Variants in MYO9A observed in about 807,000 individuals in gnomAD.
MYO9A encodes the protein unconventional myosin-IXa.
Under a neutral mutation model 293.3 loss-of-function variants are expected in MYO9A, and 103 were observed. The observed-to-expected ratio is 0.35, with a 90% CI of 0.30 to 0.41. The LOEUF is 0.41. MYO9A is among the 10% of genes least tolerant of loss of function. The probability of loss-of-function intolerance (pLI) is 1.00; values close to 1 mark genes in which losing one functional copy is unlikely to be tolerated. For missense variants in MYO9A, 2,685 were observed against 3,033.0 expected (o/e 0.89, Z 2.69); for synonymous variants, 1,001 against 1,035.7 (o/e 0.97, Z 0.64).
intron 13 of MYO9A, among the ~76,000 whole-genome samples, chr15:71,966,738 G>C (rs932929375): frequency 6.6e-6 from 1 of 152,132 alleles, no homozygotes; most frequent in Non-Finnish European, 1.5e-5. Flanking sequence ...TTAAAAAAAA[G>C]TGACTTAACT....
chr15:71,872,864 C>CT (rs1011138686), intron 32 of MYO9A, among the ~76,000 whole-genome samples: 1 of 150,538 alleles, frequency 6.6e-6, no homozygotes, highest in African/African-American at 2.4e-5. Context: ...TACTTTTTTT[C>CT]TTTTTTTGCA....
At chr15:71,938,952 AT>A in intron 15 of MYO9A, 25 bp from the exon 16 acceptor site, 4 of 1,560,882 alleles carry the variant, frequency 2.6e-6, no homozygotes, top group Middle Eastern at 3.4e-4. Context: ...AAAACAGAAA[AT>A]TTCAAATCAG....
intron 39 of MYO9A, among the ~76,000 whole-genome samples, chr15:71,845,700 A>T (rs1263652290): frequency 6.6e-6 from 1 of 152,152 alleles, no homozygotes; most frequent in Non-Finnish European, 1.5e-5. Context: ...AGTCAGTTTC[A>T]CTTCATGTCA....
rs768494962 is a variant in MYO9A, at chr15:71,975,389, T to TTGTGTGTG, written c.1844+2781_1844+2782insCACACACA. 2.2e-4 allele frequency among the ~76,000 whole-genome samples: 3 copies of TTGTGTGTG among 13,816 alleles called. 1 individual carries two copies. Among genetic ancestry groups the TTGTGTGTG allele is most frequent in the Non-Finnish European group, 2.7e-4 (1 of 3,768 alleles). The allele number at this position is 13,816 out of a possible 152,430, so 9.1% of individuals were successfully genotyped here. ...CCCTTTGGCCTATGACGTGATTTTATCGTGTGTGTGTGTGTGTGTGTGTGT... is the reference window on the plus strand; with the variant it reads ...CCCTTTGGCCTATGACGTGATTTTATTGTGTGTGCGTGTGTGTGTGTGTGTGTGTGTGT... On this transcript the variant is annotated intron_variant, in intron 12 of 41. Coordinates refer to ENST00000356056, the MANE Select transcript of MYO9A (RefSeq NM_006901.4).
At chr15:72,056,650 G>A (rs1328206496) in intron 1 of MYO9A, among the ~76,000 whole-genome samples, 1 of 152,216 alleles carries the variant, frequency 6.6e-6, no homozygotes, top group Non-Finnish European at 1.5e-5. Context: ...CTCAGGCGAT[G>A]GGTGCACCAA....
chr15:72,053,990 G>C (rs527975724), intron 1 of MYO9A, among the ~76,000 whole-genome samples: 1 of 152,266 alleles, frequency 6.6e-6, no homozygotes, highest in Admixed American at 6.5e-5. Flanking sequence ...AAATGCTCCA[G>C]TTAAAAGACA....
chr15:72,084,402 T>C (rs2079648251), intron 1 of MYO9A, among the ~76,000 whole-genome samples: 1 of 152,132 alleles, frequency 6.6e-6, no homozygotes, highest in South Asian at 2.1e-4. Context: ...GGAGATGCAC[T>C]ACACACCTTA....
At position 71,907,923 on chromosome 15, in the gene MYO9A, T is replaced by G. The variant is rs528504534; in HGVS notation, c.2686-2917A>C. 5.9e-5 allele frequency among the ~76,000 whole-genome samples: 9 copies of G among 152,364 alleles called. No individual in the cohort carries two copies. The South Asian group carries it at 1.9e-3, about 32-fold the overall frequency. On this transcript the variant is annotated intron_variant, in intron 19 of 41. Transcript: ENST00000356056. The stretch of plus-strand genomic sequence containing the variant: ...TGTTCACTCTGATGGTAGTTTCTTC[T>G]GTTGTGCAGAAGCTCTTTAGTTTAA...
Position 71,975,976 on chromosome 15 carries a change from CT to C in MYO9A, c.1844+2194del, listed in dbSNP as rs139852388. On this transcript the variant is annotated intron_variant, in intron 12 of 41. Coordinates refer to ENST00000356056, the MANE Select transcript of MYO9A (RefSeq NM_006901.4). ...CCCCACACCTCGTCCTACGCAGCTC[CT>C]CATTGTTTCGTTTTCCCTGAGTTCT... Among the ~76,000 whole-genome samples, 299 of 152,308 alleles carry C rather than the reference CT, an allele frequency of 2.0e-3. 3 individuals are homozygous for C. In the East Asian group the frequency reaches 0.027, roughly 14 times the overall value.
chr15:72,047,585 T>C (rs1596465579), intron 1 of MYO9A, among the ~76,000 whole-genome samples: 1 of 152,078 alleles, frequency 6.6e-6, no homozygotes, highest in African/African-American at 2.4e-5. Context: ...TGTCTTCTAC[T>C]GAGAAAATAT....
chr15:71,928,673 T>A (rs536032190), intron 18 of MYO9A, among the ~76,000 whole-genome samples: 1 of 152,186 alleles, frequency 6.6e-6, no homozygotes, highest in African/African-American at 2.4e-5. Context: ...TTGAATTTAC[T>A]ATAAAATAGT....
intron 19 of MYO9A, among the ~76,000 whole-genome samples, chr15:71,909,518 T>C (rs2057770073): frequency 2.0e-5 from 3 of 152,224 alleles, no homozygotes; most frequent in Admixed American, 6.5e-5. Context: ...TGGAACATCT[T>C]TTCATATGCT....
rs557707789 is a variant in MYO9A, at chr15:71,951,893, T to G, written c.2186A>C (p.His729Pro). The change falls in exon 15 of 42, where the codon CAT becomes CCT. Residue 729 changes from histidine to proline, a missense_variant. Physicochemically the swap from His to Pro is moderately conservative, Grantham distance 77 (BLOSUM62 -2). Around this residue, in one of 10 missense-constraint regions of MYO9A, gnomAD observed 1,434 missense variants for 1,497.7 expected, o/e 0.96. Transcript: ENST00000356056. ...AATTGCACATGGCGCTGTATCATCA[T>G]GTCCTTAGGAAGCAAAAAAAAACAA... is the stretch of plus-strand genomic sequence containing the variant. ...GKRNIHRKTGHDDTAPCAILK... is the reference protein window; with the variant it reads ...GKRNIHRKTGPDDTAPCAILK... The G allele has an allele frequency of 2.5e-5, 40 of 1,583,162 alleles. 1 individual carries two copies. Among genetic ancestry groups the G allele is most frequent in the Non-Finnish European group, 3.2e-5 (38 of 1,171,240 alleles).
chr15:72,096,177 GA>G (rs71133955), intron 1 of MYO9A, among the ~76,000 whole-genome samples: 3,900 of 130,552 alleles, frequency 0.03, 67 homozygotes, highest in African/African-American at 0.055. Flanking sequence ...AAAAAAAAAA[GA>G]AAAAAAAAAA....
chr15:71,859,626 T>C, intron 34 of MYO9A, 109 bp downstream of exon 34: 1 of 834,354 alleles, frequency 1.2e-6, no homozygotes. Context: ...GTCAAAAAGT[T>C]TAAAAACCAC....
intron 14 of MYO9A, among the ~76,000 whole-genome samples, chr15:71,956,330 AAT>A (rs1555490832): frequency 4.6e-4 from 35 of 75,582 alleles, no homozygotes; most frequent in African/African-American, 1.6e-3. Flanking sequence ...AAAAAAAAAA[AAT>A]ATATATATAT....
chr15:71,934,638 T>C (rs935590490), intron 17 of MYO9A, among the ~76,000 whole-genome samples: 1 of 151,544 alleles, frequency 6.6e-6, no homozygotes. Context: ...TGTTAATCGG[T>C]TGCCCAGGCT....
chr15:71,965,201 T>G (rs533102159), intron 13 of MYO9A, among the ~76,000 whole-genome samples: 1 of 152,142 alleles, frequency 6.6e-6, no homozygotes, highest in South Asian at 2.1e-4. Flanking sequence ...TTTCTAAATA[T>G]CCAATGATTT....
At chr15:71,875,225 T>C (rs534308157) in intron 32 of MYO9A, among the ~76,000 whole-genome samples, 1 of 152,214 alleles carries the variant, frequency 6.6e-6, no homozygotes, top group African/African-American at 2.4e-5. Flanking sequence ...ACATCATATA[T>C]TGGATATATA....
Sources: allele counts gnomAD v4.1 joint callset (sites outside exome capture counted in the v4.1 genomes callset), GRCh38; gene constraint gnomAD v4.1.1; regional missense constraint gnomAD v4.1.1; transcripts MANE v1.5; gene names NCBI Gene and HGNC (gene_info 2026-07-23, HGNC 2026-07-21).